FAM227A: variants seen among roughly 807,000 people sequenced by gnomAD.
FAM227A encodes family with sequence similarity 227 member A.
A neutral mutation model predicts 74.7 loss-of-function variants in FAM227A; 80 were observed. That is an observed-to-expected ratio of 1.07 (90% CI 0.89 to 1.29). The LOEUF is 1.29. FAM227A is among the 50% of genes most tolerant of loss of function. The pLI, the probability that FAM227A is intolerant of heterozygous loss-of-function variation, is 0.00. For missense variants in FAM227A, 654 were observed against 683.4 expected (o/e 0.96, Z 0.48); for synonymous variants, 237 against 241.8 (o/e 0.98, Z 0.19).
Position 38,597,207 on chromosome 22 carries a change from G to C in FAM227A, c.1529C>G (p.Ser510Cys), listed in dbSNP as rs746509479. 6 of 1,552,074 alleles carry C rather than the reference G, an allele frequency of 3.9e-6. No individual in the cohort carries two copies. In the South Asian group the frequency reaches 7.1e-5, roughly 18 times the overall value. The change falls in exon 15 of 17, where the codon TCC becomes TGC. Residue 510 changes from serine (S) to cysteine (C), a missense_variant. Physicochemically the swap from Ser to Cys is moderately radical, Grantham distance 112 (BLOSUM62 -1). Coordinates refer to ENST00000535113, the MANE Select transcript of FAM227A (RefSeq NM_001013647.2). The part of the protein sequence containing the change: ...KHLKELQDNF[S>C]REMKNIDPKA... ...TTCCCCAAAGCCCCTTCCATACCTGGAGAAGTTGTCTTGCAGCTCCTTTAG... is the reference window on the plus strand; with the variant it reads ...TTCCCCAAAGCCCCTTCCATACCTGCAGAAGTTGTCTTGCAGCTCCTTTAG...
At chr22:38,618,134 T>C (rs1236216429) in intron 11 of FAM227A, among the ~76,000 whole-genome samples, 1 of 152,124 alleles carries the variant, frequency 6.6e-6, no homozygotes, top group Non-Finnish European at 1.5e-5. Context: ...GAATCTGCCA[T>C]CCCAAAATAG....
chr22:38,637,044 C>A (rs1056221196), intron 5 of FAM227A, among the ~76,000 whole-genome samples: 1 of 152,146 alleles, frequency 6.6e-6, no homozygotes, highest in Non-Finnish European at 1.5e-5. Flanking sequence ...TCCTAAAGTG[C>A]TATCTACATT....
Position 38,645,548 on chromosome 22 carries a change from G to C in FAM227A, c.225+15C>G, listed in dbSNP as rs1165830404. The C allele has an allele frequency of 6.5e-7, 1 of 1,544,114 alleles. No homozygotes were observed. Among genetic ancestry groups the C allele is most frequent in the Non-Finnish European group, 8.8e-7 (1 of 1,140,202 alleles). On this transcript the variant is annotated intron_variant, in intron 3 of 16. Coordinates refer to ENST00000535113, the MANE Select transcript of FAM227A (RefSeq NM_001013647.2). ...TGTCAGAAGCTTTGTCTCAGCTCCA[G>C]CATAGGTAACTCACCAGGCTGTTGG...
In FAM227A at chr22:38,656,217, T is replaced by C. The variant is rs2092390787; in HGVS notation, c.-192A>G. ...TTCTGGGTCGGCCCCCGACAGCCGG[T>C]GCCCCCAAACTCACAGCAAGGGGTG... On this transcript the variant is annotated 5_prime_UTR_variant, in exon 1 of 17. Coordinates refer to ENST00000535113, the MANE Select transcript of FAM227A (RefSeq NM_001013647.2). The C allele has an allele frequency of 6.6e-6, 1 of 152,282 alleles. No homozygotes were observed. The highest frequency in any genetic ancestry group is 2.4e-5 in the African/African-American group (1 of 41,450). The allele number at this position is 152,282 out of a possible 1,614,324, so 9.4% of individuals were successfully genotyped here.
At position 38,583,088 on chromosome 22, in the gene FAM227A, G is replaced by A. The variant is rs2090734575; in HGVS notation, c.*3037C>T. ...CAGTGGCTGGGGTAGTAAAGGGAAGGTGAGAGAGTGTTCTGCTTATCTGCC... is the reference window on the plus strand; with the variant it reads ...CAGTGGCTGGGGTAGTAAAGGGAAGATGAGAGAGTGTTCTGCTTATCTGCC... On this transcript the variant is annotated 3_prime_UTR_variant, in exon 17 of 17. Coordinates refer to ENST00000535113, the MANE Select transcript of FAM227A (RefSeq NM_001013647.2). 5.5e-6 allele frequency: 5 copies of A among 912,358 alleles called. No homozygotes were observed. The South Asian group carries it at 6.6e-5, about 12-fold the overall frequency. 56.5% of individuals were successfully genotyped at this position (912,358 alleles called of 1,614,324 possible). A position where few individuals can be genotyped will look rare whatever the true frequency, so the allele number is the denominator to read the frequency against.
chr22:38,620,311 G>A lies in FAM227A; in HGVS notation c.959-20C>T. 1 of 1,516,772 alleles carries A rather than the reference G, an allele frequency of 6.6e-7. No homozygotes were observed. The highest frequency in any genetic ancestry group is 9.0e-7 in the Non-Finnish European group (1 of 1,115,534). The allele number at this position is 1,516,772 out of a possible 1,614,324, so 94.0% of individuals were successfully genotyped here. A position where few individuals can be genotyped will look rare whatever the true frequency, so the allele number is the denominator to read the frequency against. ...CTCTCCCTATAGAAGGGGAAAAGCT[G>A]TTATTAATTCCTCTTGTCATGGGAC... On this transcript the variant is annotated intron_variant, in intron 10 of 16. Transcript: ENST00000535113.
intron 14 of FAM227A, 96 bp from the exon 15 acceptor site, chr22:38,597,452 G>T: frequency 8.2e-7 from 1 of 1,217,136 alleles, no homozygotes; most frequent in South Asian, 1.3e-5. Flanking sequence ...AGAGGGGCAT[G>T]GAGGACAGAA....
At chr22:38,624,463 G>T (rs966523857) in intron 9 of FAM227A, among the ~76,000 whole-genome samples, 2 of 152,166 alleles carry the variant, frequency 1.3e-5, no homozygotes, top group East Asian at 3.8e-4. Context: ...CCTTAGAAAG[G>T]CCTGCTTGCG....
rs1057034371 is a variant in FAM227A, at chr22:38,584,673, T to C, written c.*1452A>G. On this transcript the variant is annotated 3_prime_UTR_variant, in exon 17 of 17. Transcript: ENST00000535113. Reference sequence around the variant, plus strand: ...GTCCTAGCTACTTGGGAGGCTGAGGTGGGAGGATTGCTTCAGCCCAGGAAT... The same window carrying C: ...GTCCTAGCTACTTGGGAGGCTGAGGCGGGAGGATTGCTTCAGCCCAGGAAT... 3.3e-5 allele frequency: 5 copies of C among 152,096 alleles called. No individual in the cohort carries two copies. The highest frequency in any genetic ancestry group is 5.9e-5 in the Non-Finnish European group (4 of 68,054). The allele number at this position is 152,096 out of a possible 1,614,324, so 9.4% of individuals were successfully genotyped here.
At chr22:38,600,459 G>A (rs1363825431) in intron 13 of FAM227A, among the ~76,000 whole-genome samples, 5 of 151,558 alleles carry the variant, frequency 3.3e-5, no homozygotes, top group East Asian at 3.9e-4. Flanking sequence ...TCAGCCTCCC[G>A]AGTAGCTGGG....
chr22:38,647,739 C>T (rs2092263973), intron 2 of FAM227A, among the ~76,000 whole-genome samples: 1 of 152,152 alleles, frequency 6.6e-6, no homozygotes, highest in Non-Finnish European at 1.5e-5. Flanking sequence ...ACCCCTCACT[C>T]CCTTCACATA....
chr22:38,630,849 G>C (rs1003818008), intron 6 of FAM227A, among the ~76,000 whole-genome samples: 12 of 152,202 alleles, frequency 7.9e-5, no homozygotes, highest in African/African-American at 2.7e-4. Flanking sequence ...CTGCGCTTCA[G>C]GTCTCGGGAC....
intron 9 of FAM227A, among the ~76,000 whole-genome samples, chr22:38,624,442 G>T (rs1301903871): frequency 1.3e-5 from 2 of 152,066 alleles, no homozygotes; most frequent in Non-Finnish European, 2.9e-5. Flanking sequence ...CAGCAGGCCT[G>T]AGACTGCTAT....
intron 16 of FAM227A, 110 bp from the exon 17 acceptor site, chr22:38,586,309 G>A: frequency 8.2e-7 from 1 of 1,220,032 alleles, no homozygotes; most frequent in South Asian, 1.5e-5. Context: ...TTGTGTGCAT[G>A]GAATATTGAG....
chr22:38,621,340 ACT>A (rs1362979969), intron 10 of FAM227A, among the ~76,000 whole-genome samples: 9 of 137,404 alleles, frequency 6.6e-5, no homozygotes, highest in Non-Finnish European at 1.1e-4. Context: ...ACACAGAAAG[ACT>A]CTGTCTCAAA....
In FAM227A at chr22:38,614,805, A is replaced by AAGCC. The variant is rs149580057; in HGVS notation, c.1038+5403_1038+5406dup. Among the ~76,000 whole-genome samples the AAGCC allele has an allele frequency of 5.9e-3, 895 of 152,344 alleles. 6 individuals carry two copies. Among genetic ancestry groups the AAGCC allele is most frequent in the African/African-American group, 0.021 (867 of 41,580 alleles). ...AGTACAAAGAACACACGCTTGTTTC[A>AAGCC]AGCCATTGTGACAGGCAGTACCCAA... is the stretch of plus-strand genomic sequence containing the variant. On this transcript the variant is annotated intron_variant, in intron 11 of 16. Coordinates refer to ENST00000535113, the MANE Select transcript of FAM227A (RefSeq NM_001013647.2).
chr22:38,646,254 T>C (rs915659247), intron 2 of FAM227A, among the ~76,000 whole-genome samples: 1 of 47,430 alleles, frequency 2.1e-5, no homozygotes, highest in East Asian at 7.8e-4. Flanking sequence ...ATTTCTTTTT[T>C]TTTTTTTTTT....
At chr22:38,607,291 G>A in intron 12 of FAM227A, 98 bp downstream of exon 12, 2 of 816,380 alleles carry the variant, frequency 2.4e-6, no homozygotes, top group South Asian at 3.4e-5. Flanking sequence ...GTATAAAGTA[G>A]GTCAGCAAAT....
At chr22:38,633,172 C>T (rs71319008) in intron 6 of FAM227A, among the ~76,000 whole-genome samples, 2 of 152,170 alleles carry the variant, frequency 1.3e-5, no homozygotes, top group Non-Finnish European at 2.9e-5. Flanking sequence ...GACATGGCCC[C>T]TAAGCAGAGT....
Sources: allele counts gnomAD v4.1 joint callset (sites outside exome capture counted in the v4.1 genomes callset), GRCh38; gene constraint gnomAD v4.1.1; transcripts MANE v1.5; gene names NCBI Gene and HGNC (gene_info 2026-07-23, HGNC 2026-07-21).